MAPK8IP3: variants seen among roughly 807,000 people sequenced by gnomAD.
MAPK8IP3 encodes mitogen-activated protein kinase 8 interacting protein 3, also known as C-Jun-amino-terminal kinase-interacting protein 3.
In MAPK8IP3, 49 loss-of-function variants were observed where a neutral mutation model predicts 157.8. The ratio of observed to expected loss-of-function variants is 0.31; its 90% confidence interval spans 0.25 to 0.39. The LOEUF (loss-of-function observed/expected upper bound fraction) is 0.39. MAPK8IP3 is among the 10% of genes least tolerant of loss of function. The pLI is 1.00. For missense variants in MAPK8IP3, 1,478 were observed against 1,889.4 expected (o/e 0.78, Z 4.04); for synonymous variants, 897 against 777.7 (o/e 1.15, Z -2.55).
intron 4 of MAPK8IP3, among the ~76,000 whole-genome samples, chr16:1,733,917 A>G (rs2039480689): frequency 6.6e-6 from 1 of 152,246 alleles, no homozygotes; most frequent in South Asian, 2.1e-4. Context: ...TCTTCTGGGC[A>G]CACAGGACCT....
At chr16:1,721,194 G>A (rs2038495872) in intron 1 of MAPK8IP3, among the ~76,000 whole-genome samples, 1 of 151,694 alleles carries the variant, frequency 6.6e-6, no homozygotes, top group Admixed American at 6.6e-5. Context: ...TTAGCTGGAT[G>A]TGGTGGCGCA....
intron 16 of MAPK8IP3, 62 bp from the exon 17 acceptor site, chr16:1,763,595 C>G (rs140675366): frequency 7.0e-7 from 1 of 1,438,488 alleles, no homozygotes; most frequent in Non-Finnish European, 9.2e-7. Flanking sequence ...CAGGACAAGC[C>G]TGGGGCACTG....
Position 1,706,806 on chromosome 16 carries a change from C to G in MAPK8IP3, c.318+149C>G, listed in dbSNP as rs1253936950. The G allele has an allele frequency of 4.9e-6, 4 of 820,444 alleles. No homozygotes were observed. Among genetic ancestry groups the G allele is most frequent in the East Asian group, 3.0e-5 (1 of 33,728 alleles). 50.8% of individuals were successfully genotyped at this position (820,444 alleles called of 1,614,324 possible). ...GACCCCCAGACCCCGCCCCGAGACC[C>G]GCCTGGACCCCATATCCCCCGCCCC... On this transcript the variant is annotated intron_variant, in intron 1 of 31. Transcript: ENST00000610761. The surrounding 1 kb of genome is among the most constrained non-coding windows in gnomAD (Gnocchi z 5.1).
chr16:1,725,636 AG>A (rs1017229290), intron 2 of MAPK8IP3, among the ~76,000 whole-genome samples: 1 of 152,046 alleles, frequency 6.6e-6, no homozygotes, highest in African/African-American at 2.4e-5. Context: ...CAAAAAAAAA[AG>A]AAAAAATTTA....
At chr16:1,752,462 G>T in intron 8 of MAPK8IP3, 1 of 357,650 alleles carries the variant, frequency 2.8e-6, no homozygotes, top group South Asian at 2.0e-5. Context: ...AGGCAGGGAG[G>T]CCAGGCACAG....
chr16:1,731,143 AATAC>A (rs2039292447), intron 4 of MAPK8IP3, among the ~76,000 whole-genome samples: 1 of 152,188 alleles, frequency 6.6e-6, no homozygotes, highest in African/African-American at 2.4e-5. Flanking sequence ...CTCAAAAATA[AATAC>A]ATAAATAAAT....
chr16:1,763,157 A>G (rs2042051140), intron 16 of MAPK8IP3, 151 bp downstream of exon 16: 24 of 994,868 alleles, frequency 2.4e-5, no homozygotes, highest in Non-Finnish European at 3.4e-5. Flanking sequence ...CTCCCTGCAC[A>G]CTGCCTGCCC....
intron 8 of MAPK8IP3, among the ~76,000 whole-genome samples, chr16:1,755,146 G>A (rs891805662): frequency 2.0e-5 from 3 of 152,154 alleles, no homozygotes; most frequent in Admixed American, 6.5e-5. Flanking sequence ...CCTGTGATAC[G>A]AGCTCATGAG....
At position 1,767,573 on chromosome 16, in the gene MAPK8IP3, G is replaced by A. The variant is rs2042346088; in HGVS notation, c.3247G>A (p.Asp1083Asn). ...AGCCATGACTCCACAGAAGTCATTT[G>A]ACGCCCACCCGCGGCGGGAGAGCCA... ...PKTMQIEKSF[D>N]AHPRRESQVR... The change falls in exon 27 of 32, where the codon GAC becomes AAC. Residue 1083 changes from aspartate (D) to asparagine (N), a missense_variant. Asp to Asn is a conservative substitution (Grantham distance 23, BLOSUM62 1). Transcript: ENST00000610761. 3 of 1,611,626 alleles carry A rather than the reference G, an allele frequency of 1.9e-6. No individual in the cohort carries two copies. The highest frequency in any genetic ancestry group is 2.5e-6 in the Non-Finnish European group (3 of 1,179,592).
At chr16:1,748,114 T>A in intron 6 of MAPK8IP3, 130 bp from the exon 7 acceptor site, 3 of 679,478 alleles carry the variant, frequency 4.4e-6, no homozygotes, top group Non-Finnish European at 7.8e-6. Flanking sequence ...AAGAGCTGTT[T>A]TCTGATCATC....
chr16:1,729,714 A>G, intron 4 of MAPK8IP3, 136 bp downstream of exon 4: 1 of 838,562 alleles, frequency 1.2e-6, no homozygotes, highest in Non-Finnish European at 1.9e-6. Flanking sequence ...CACTCTGGAG[A>G]CCCAGGAGGA....
At chr16:1,717,558 T>C (rs974742390) in intron 1 of MAPK8IP3, among the ~76,000 whole-genome samples, 1 of 152,250 alleles carries the variant, frequency 6.6e-6, no homozygotes, top group East Asian at 1.9e-4. Context: ...CTCGGTTAGA[T>C]AGGTGGTCGT....
In MAPK8IP3 at chr16:1,768,549, C is replaced by T. The variant is rs765326444; in HGVS notation, c.3815C>T (p.Ala1272Val). Residue 1272 changes from alanine (A) to valine (V), a missense_variant, in exon 31 of 32, where the codon GCC becomes GTC. By Grantham distance (64) the Ala-to-Val change is moderately conservative. Around this residue, in one of 11 missense-constraint regions of MAPK8IP3, gnomAD observed 133 missense variants for 133.4 expected, o/e 1.00. Coordinates refer to ENST00000610761, the MANE Select transcript of MAPK8IP3 (RefSeq NM_001318852.2). The stretch of plus-strand genomic sequence containing the variant: ...GAGGGCCCTGGGCCAGCTGCCCCTG[C>T]CTCGGAGGTCGAGGGCCAGAAGCTG... ...PAEGPGPAAP[A>V]SEVEGQKLRN... 6.4e-7 allele frequency: 1 copy of T among 1,567,336 alleles called. No homozygotes were observed.
chr16:1,711,954 A>G (rs982727050), intron 1 of MAPK8IP3, among the ~76,000 whole-genome samples: 7 of 151,104 alleles, frequency 4.6e-5, no homozygotes, highest in Admixed American at 4.6e-4. Flanking sequence ...AAAAAAAAAA[A>G]AAAGAAAAAA....
Position 1,767,211 on chromosome 16 carries a change from C to T in MAPK8IP3, c.3151C>T (p.Arg1051Cys). Residue 1051 changes from arginine (R) to cysteine (C), a missense_variant, in exon 26 of 32, where the codon CGC (arginine) becomes TGC (cysteine). This residue lies in a region of MAPK8IP3 where 669 missense variants were observed against 759.8 expected (regional missense o/e 0.88). Transcript: ENST00000610761. ...CCTGGGCCACCCGCACCACTCCATC[C>T]GCTGCATGGCTGTTGTGTACGACCG... ...MDLGHPHHSI[R>C]CMAVVYDRVW... is the part of the protein sequence containing the mutation. The T allele has an allele frequency of 3.1e-6, 5 of 1,613,456 alleles. No homozygotes were observed. Among genetic ancestry groups the T allele is most frequent in the Non-Finnish European group, 4.2e-6 (5 of 1,180,022 alleles).
rs1314090331 is a variant in MAPK8IP3, at chr16:1,706,921, C to T, written c.318+264C>T. ...GGGACCCCACCCCGACTCCCGGGGACCCCCTTTTCCGCCCAGGCCTGGGCC... is the reference window on the plus strand; with the variant it reads ...GGGACCCCACCCCGACTCCCGGGGATCCCCTTTTCCGCCCAGGCCTGGGCC... On this transcript the variant is annotated intron_variant, in intron 1 of 31. Transcript: ENST00000610761. This position sits in a 1 kb window ranked among gnomAD's most constrained non-coding sequence, Gnocchi z 5.1. Among the ~76,000 whole-genome samples the T allele has an allele frequency of 6.7e-6, 1 of 148,958 alleles. No homozygotes were observed. Among genetic ancestry groups the T allele is most frequent in the Non-Finnish European group, 1.5e-5 (1 of 67,172 alleles).
rs1407887123 is a variant in MAPK8IP3, at chr16:1,769,664, G to A, written c.*840G>A. 2 of 152,602 alleles carry A rather than the reference G, an allele frequency of 1.3e-5. No individual in the cohort carries two copies. Among genetic ancestry groups the A allele is most frequent in the African/African-American group, 4.8e-5 (2 of 41,442 alleles). The allele number at this position is 152,602 out of a possible 1,614,324, so 9.5% of individuals were successfully genotyped here. On this transcript the variant is annotated 3_prime_UTR_variant, in exon 32 of 32. Coordinates refer to ENST00000610761, the MANE Select transcript of MAPK8IP3 (RefSeq NM_001318852.2). ...GCTGCCAGGGCAGGCCCAGGCCTCA[G>A]GAAGAAGGGGAGGCCCCTGGCCTCT...
In MAPK8IP3 at chr16:1,742,429, CG is replaced by C. The variant is rs1313445813; in HGVS notation, c.603-899del. ...CTGTCCCAGGGTCCGTCTTCAGGTT[CG>C]GGGCTCCCTGACAGCAGAGAGGACA... On this transcript the variant is annotated intron_variant, in intron 4 of 31. Coordinates refer to ENST00000610761, the MANE Select transcript of MAPK8IP3 (RefSeq NM_001318852.2). The surrounding 1 kb of genome is among the most constrained non-coding windows in gnomAD (Gnocchi z 5.0). Among the ~76,000 whole-genome samples, 3 of 152,166 alleles carry C rather than the reference CG, an allele frequency of 2.0e-5. No individual in the cohort carries two copies. Among genetic ancestry groups the C allele is most frequent in the African/African-American group, 7.2e-5 (3 of 41,426 alleles).
Position 1,763,790 on chromosome 16 carries a change from G to A in MAPK8IP3, c.2025+7G>A, listed in dbSNP as rs2042089276. The A allele has an allele frequency of 6.6e-7, 1 of 1,521,714 alleles. No individual in the cohort carries two copies. Among genetic ancestry groups the A allele is most frequent in the Non-Finnish European group, 8.8e-7 (1 of 1,132,626 alleles). The allele number at this position is 1,521,714 out of a possible 1,614,324, so 94.3% of individuals were successfully genotyped here. ...GCCCGCCAAGTACAAGCAGGTGCGG[G>A]CGGGCGCTGCGGGGACCGGGCGGGG... On this transcript the variant is annotated splice_region_variant and intron_variant, in intron 17 of 31. Transcript: ENST00000610761.
Sources: allele counts gnomAD v4.1 joint callset (sites outside exome capture counted in the v4.1 genomes callset), GRCh38; gene constraint gnomAD v4.1.1; regional missense constraint gnomAD v4.1.1; non-coding constraint Gnocchi (gnomAD v3.1); transcripts MANE v1.5; gene names NCBI Gene and HGNC (gene_info 2026-07-23, HGNC 2026-07-21).